The following RHOBTB1 variants were observed in gnomAD, a reference collection of about 807,000 sequenced individuals.
RHOBTB1 encodes Rho related BTB domain containing 1.
In RHOBTB1, 40 loss-of-function variants were observed where a neutral mutation model predicts 71.6. The ratio of observed to expected loss-of-function variants is 0.56; its 90% CI spans 0.43 to 0.73. RHOBTB1 has a LOEUF of 0.73. Among genes scored for constraint, RHOBTB1 ranks in the 30% least tolerant of loss-of-function variants. RHOBTB1 has a pLI of 0.00. For synonymous variants in RHOBTB1, 319 were observed against 334.9 expected (o/e 0.95, Z 0.52); for missense variants, 797 against 894.0 (o/e 0.89, Z 1.38).
At chr10:60,936,671 T>A (rs1412754962) in intron 2 of RHOBTB1, among the ~76,000 whole-genome samples, 1 of 152,248 alleles carries the variant, frequency 6.6e-6, no homozygotes, top group Non-Finnish European at 1.5e-5. Context: ...CTGGCATCAA[T>A]GGGGAACTTG....
In RHOBTB1 at chr10:60,932,148, T is replaced by G. The variant is rs146132472; in HGVS notation, c.-11+9656A>C. ...CCTGGAAATCACAAACACATAAATA[T>G]TGATGTACACTCAGTGCCCAAATTT... is the stretch of plus-strand genomic sequence containing the variant. On this transcript the variant is annotated intron_variant, in intron 2 of 10. Transcript: ENST00000337910. 3.3e-5 allele frequency among the ~76,000 whole-genome samples: 5 copies of G among 152,296 alleles called. No individual in the cohort carries two copies. In the East Asian group the frequency reaches 9.7e-4, roughly 29 times the overall value.
At chr10:60,868,669 T>C (rs1323350084), downstream of RHOBTB1, among the ~76,000 whole-genome samples, 2 of 152,182 alleles carry the variant, frequency 1.3e-5, no homozygotes, top group Non-Finnish European at 2.9e-5. Flanking sequence ...ATAGGAAACT[T>C]TGCTGAAGTT....
rs748531794 is a variant in RHOBTB1 at position 60,888,344 on chromosome 10, T to C, written c.1324A>G (p.Met442Val). ...TCCACCATCATCCTCAAATCGAACA[T>C]CTCGAGGACCTCTGCGATCTGAGCC... ...GLAQIAEVLEMFDLRMMVENI... is the reference protein window; with the variant it reads ...GLAQIAEVLEVFDLRMMVENI... Residue 442 changes from methionine (M) to valine (V), a missense_variant, in exon 6 of 11, where the codon ATG becomes GTG. Met to Val is a conservative substitution (Grantham distance 21, BLOSUM62 1). Around this residue, in one of 2 missense-constraint regions of RHOBTB1, gnomAD observed 658 missense variants for 681.5 expected, o/e 0.97. Coordinates refer to ENST00000337910, the MANE Select transcript of RHOBTB1 (RefSeq NM_014836.5). 1 of 1,614,110 alleles carries C rather than the reference T, an allele frequency of 6.2e-7. No individual in the cohort carries two copies. The highest frequency in any genetic ancestry group is 8.5e-7 in the Non-Finnish European group (1 of 1,180,010).
chr10:60,972,376 T>C (rs1283696219), intron 2 of RHOBTB1, among the ~76,000 whole-genome samples: 22 of 152,154 alleles, frequency 1.4e-4, no homozygotes, highest in Admixed American at 1.4e-3. Flanking sequence ...TGAGTTCCTG[T>C]CTTTTGCAGG....
chr10:60,996,817 A>G lies in RHOBTB1; in HGVS notation c.-163+4582T>C, dbSNP rs376229437. 1.1e-3 allele frequency among the ~76,000 whole-genome samples: 174 copies of G among 152,330 alleles called. 1 individual carries two copies. The highest frequency in any genetic ancestry group is 2.8e-3 in the African/African-American group (117 of 41,576). ...ATGATTTGTTGTGTATTTGAAATCC[A>G]GATTTAACTAGGCATCCTGTATTTG... On this transcript the variant is annotated intron_variant, in intron 1 of 11. Coordinates refer to the RHOBTB1 transcript ENST00000357917.
chr10:60,916,880 G>A (rs888911086), intron 2 of RHOBTB1, among the ~76,000 whole-genome samples: 8 of 152,208 alleles, frequency 5.3e-5, no homozygotes, highest in Non-Finnish European at 8.8e-5. Context: ...CTTTAAATGC[G>A]GAAGAGGTAG....
chr10:60,974,938 A>C lies in RHOBTB1; in HGVS notation c.-62+10907T>G, dbSNP rs564386656. ...TTTTATAAGCAAATGTGAATAAGAA[A>C]TGACTCATCTCTTGTTCCAGAAATG... is the stretch of plus-strand genomic sequence containing the variant. On this transcript the variant is annotated intron_variant, in intron 2 of 11. Transcript: ENST00000357917. Among the ~76,000 whole-genome samples the C allele has an allele frequency of 2.8e-4, 42 of 152,186 alleles. 1 individual carries two copies. Among genetic ancestry groups the C allele is most frequent in the Middle Eastern group, 3.4e-3 (1 of 294 alleles).
At chr10:60,921,880 A>G (rs2083584493) in intron 2 of RHOBTB1, among the ~76,000 whole-genome samples, 1 of 152,194 alleles carries the variant, frequency 6.6e-6, no homozygotes, top group Non-Finnish European at 1.5e-5. Flanking sequence ...TGCACCAACC[A>G]TTGCTCCCTA....
intron 2 of RHOBTB1, among the ~76,000 whole-genome samples, chr10:60,956,276 G>A (rs2085589971): frequency 6.6e-6 from 1 of 152,090 alleles, no homozygotes; most frequent in Admixed American, 6.6e-5. Context: ...CTAAAAAAAT[G>A]GTATGCCTGT....
chr10:60,980,762 G>A (rs1407758516), intron 2 of RHOBTB1, among the ~76,000 whole-genome samples: 3 of 152,142 alleles, frequency 2.0e-5, no homozygotes, highest in Non-Finnish European at 2.9e-5. Context: ...AATCTTTCTG[G>A]CAGTAGAAAT....
intron 4 of RHOBTB1, among the ~76,000 whole-genome samples, chr10:60,894,553 C>G (rs1045541546): frequency 2.0e-5 from 3 of 152,158 alleles, no homozygotes; most frequent in African/African-American, 7.2e-5. Flanking sequence ...TAACAGTATC[C>G]AGTAAAGCCA....
chr10:60,894,734 A>G (rs2082081408), intron 4 of RHOBTB1, among the ~76,000 whole-genome samples: 1 of 152,234 alleles, frequency 6.6e-6, no homozygotes, highest in South Asian at 2.1e-4. Flanking sequence ...GAGGTTCAAA[A>G]TTATACAAAA....
intron 2 of RHOBTB1, among the ~76,000 whole-genome samples, chr10:60,955,043 C>CTTTTTTTTTTTTTTTTTTTTT (rs34012455): frequency 8.9e-6 from 1 of 112,818 alleles, no homozygotes; most frequent in African/African-American, 3.3e-5. Flanking sequence ...TTCTTTCTTT[C>CTTTTTTTTTTTTTTTTTTTTT]TTTTTTTTTT....
intron 4 of RHOBTB1, among the ~76,000 whole-genome samples, chr10:60,894,038 A>G (rs1166497589): frequency 6.6e-6 from 1 of 152,230 alleles, no homozygotes; most frequent in Non-Finnish European, 1.5e-5. Flanking sequence ...ATGTTAATTT[A>G]TTGCCATTGC....
At chr10:60,973,555 C>T (rs1158626249) in intron 2 of RHOBTB1, among the ~76,000 whole-genome samples, 6 of 151,870 alleles carry the variant, frequency 4.0e-5, no homozygotes. Context: ...GAGGGCAAAG[C>T]TTGCTGAGTT....
downstream of RHOBTB1, among the ~76,000 whole-genome samples, chr10:60,866,364 T>G (rs2080635429): frequency 6.6e-6 from 1 of 152,056 alleles, no homozygotes; most frequent in African/African-American, 2.4e-5. Context: ...TAGAAGGAAA[T>G]TTGCTATGTA....
intron 2 of RHOBTB1, among the ~76,000 whole-genome samples, chr10:60,951,258 A>G (rs2085398702): frequency 6.6e-6 from 1 of 152,240 alleles, no homozygotes. Context: ...TCCTGGAAGG[A>G]GACCTACCCA....
chr10:60,868,997 A>G (rs2080659605), downstream of RHOBTB1, among the ~76,000 whole-genome samples: 1 of 152,216 alleles, frequency 6.6e-6, no homozygotes, highest in Non-Finnish European at 1.5e-5. Context: ...TAAACATTGT[A>G]TTACCTAGAA....
At chr10:60,970,087 G>A (rs1469096367) in intron 2 of RHOBTB1, among the ~76,000 whole-genome samples, 1 of 152,040 alleles carries the variant, frequency 6.6e-6, no homozygotes. Flanking sequence ...TCTGGTCAGG[G>A]CATCATCCAA....
Sources: allele counts gnomAD v4.1 joint callset (sites outside exome capture counted in the v4.1 genomes callset), GRCh38; gene constraint gnomAD v4.1.1; regional missense constraint gnomAD v4.1.1; transcripts MANE v1.5; gene names NCBI Gene and HGNC (gene_info 2026-07-23, HGNC 2026-07-21).